DPP10: variants seen among roughly 807,000 people sequenced by gnomAD.
The protein encoded by DPP10 is inactive dipeptidyl peptidase 10.
In DPP10, 33 loss-of-function variants were observed where a neutral mutation model predicts 120.9. The ratio of observed to expected loss-of-function variants is 0.27; its 90% CI spans 0.21 to 0.37. The LOEUF is 0.37. DPP10 is among the 10% of genes least tolerant of loss of function. DPP10 has a pLI of 1.00. For missense variants in DPP10, 816 were observed against 942.8 expected, an observed-to-expected ratio of 0.87 and a Z score of 1.76; for synonymous variants, 337 against 326.1, an observed-to-expected ratio of 1.03 and a Z score of -0.36.
In DPP10 at chr2:114,753,363, C is replaced by T. The variant is rs1679408466; in HGVS notation, c.60+310525C>T. Reference sequence around the variant, plus strand: ...AAATTGAGTTCAAATTCTATCCCAGCTTAGACTGGTTATTTAGCCCGTATG... The same window carrying T: ...AAATTGAGTTCAAATTCTATCCCAGTTTAGACTGGTTATTTAGCCCGTATG... On this transcript the variant is annotated intron_variant, in intron 1 of 25. Transcript: ENST00000410059. Among the ~76,000 whole-genome samples the T allele has an allele frequency of 2.6e-5, 4 of 152,312 alleles. No individual in the cohort carries two copies. In the South Asian group the frequency reaches 8.3e-4, roughly 32 times the overall value.
At chr2:114,716,675 T>A (rs1193943027) in intron 1 of DPP10, among the ~76,000 whole-genome samples, 1 of 152,208 alleles carries the variant, frequency 6.6e-6, no homozygotes, top group Non-Finnish European at 1.5e-5. Context: ...TGATCTTCCT[T>A]GTTCAAAAGA....
intron 1 of DPP10, among the ~76,000 whole-genome samples, chr2:114,948,707 T>C (rs1697551759): frequency 6.6e-6 from 1 of 152,194 alleles, no homozygotes; most frequent in African/African-American, 2.4e-5. Context: ...CCATTCTTTC[T>C]GAGGAAGGAG....
intron 5 of DPP10, among the ~76,000 whole-genome samples, chr2:115,630,251 A>AT (rs1370230158): frequency 6.6e-6 from 1 of 151,952 alleles, no homozygotes; most frequent in Non-Finnish European, 1.5e-5. Flanking sequence ...TTGCTCATTG[A>AT]TTTTGTATCC....
chr2:115,194,163 A>G (rs1054148621), intron 1 of DPP10, among the ~76,000 whole-genome samples: 2 of 152,110 alleles, frequency 1.3e-5, no homozygotes, highest in African/African-American at 4.8e-5. Flanking sequence ...TCTGTTAGCA[A>G]AGCCGTTGCT....
At chr2:115,217,607 G>A (rs547195404) in intron 1 of DPP10, among the ~76,000 whole-genome samples, 1 of 152,072 alleles carries the variant, frequency 6.6e-6, no homozygotes, top group African/African-American at 2.4e-5. Context: ...CCACCAGTGG[G>A]ACTTGCCAGA....
At chr2:115,425,677 T>G (rs1278196290) in intron 3 of DPP10, among the ~76,000 whole-genome samples, 1 of 152,130 alleles carries the variant, frequency 6.6e-6, no homozygotes, top group African/African-American at 2.4e-5. Flanking sequence ...GATAGATAAG[T>G]GGTTGATTCA....
chr2:114,900,944 G>T (rs1320785019), intron 1 of DPP10, among the ~76,000 whole-genome samples: 1 of 152,138 alleles, frequency 6.6e-6, no homozygotes, highest in Non-Finnish European at 1.5e-5. Flanking sequence ...AATAAACTCA[G>T]ACTAACTTAT....
intron 5 of DPP10, among the ~76,000 whole-genome samples, chr2:115,558,632 A>G (rs974041585): frequency 1.3e-5 from 2 of 152,202 alleles, no homozygotes; most frequent in Admixed American, 1.3e-4. Context: ...AACTGTACTC[A>G]TTATAGTATA....
At chr2:114,706,575 A>G (rs1374403560) in intron 1 of DPP10, among the ~76,000 whole-genome samples, 1 of 152,120 alleles carries the variant, frequency 6.6e-6, no homozygotes, top group African/African-American at 2.4e-5. Flanking sequence ...GTCTTCTTTT[A>G]TATCTCTTAT....
At position 114,924,981 on chromosome 2, in the gene DPP10, G is replaced by GCCC. The variant is rs1158567593; in HGVS notation, c.61-384258_61-384257insCCC. 3.0e-4 allele frequency among the ~76,000 whole-genome samples: 45 copies of GCCC among 152,024 alleles called. No individual in the cohort carries two copies. In the East Asian group the frequency reaches 8.5e-3, roughly 29 times the overall value. The stretch of plus-strand genomic sequence containing the variant: ...AATCCCAGCACTTTGGGAGGCCGAG[G>GCCC]GGGGCTAATCACGAGGTCAGGAGTT... On this transcript the variant is annotated intron_variant, in intron 1 of 25. Transcript: ENST00000410059.
intron 1 of DPP10, among the ~76,000 whole-genome samples, chr2:114,603,118 C>T (rs918610883): frequency 1.3e-5 from 2 of 151,940 alleles, no homozygotes; most frequent in Admixed American, 1.3e-4. Flanking sequence ...CAGAAAAGTC[C>T]CCATTGTAAG....
intron 1 of DPP10, among the ~76,000 whole-genome samples, chr2:115,168,144 T>A (rs1457519868): frequency 6.6e-6 from 1 of 152,086 alleles, no homozygotes; most frequent in Non-Finnish European, 1.5e-5. Context: ...GGATTAAACA[T>A]AAGTCAAAAG....
Position 114,646,745 on chromosome 2 carries a change from C to T in DPP10, c.60+203907C>T, listed in dbSNP as rs529971111. Among the ~76,000 whole-genome samples the T allele has an allele frequency of 4.6e-5, 7 of 152,240 alleles. No individual in the cohort carries two copies. The South Asian group carries it at 1.5e-3, about 32-fold the overall frequency. On this transcript the variant is annotated intron_variant, in intron 1 of 25. Transcript: ENST00000410059. ...TTTATGTCTGCATCTTTGAATGAGTCTGGTTGTTCTCTCAAGGGAGTTTTA... is the reference window on the plus strand; with the variant it reads ...TTTATGTCTGCATCTTTGAATGAGTTTGGTTGTTCTCTCAAGGGAGTTTTA...
chr2:114,830,943 C>G (rs12615913), intron 1 of DPP10, among the ~76,000 whole-genome samples: 1 of 142,844 alleles, frequency 7.0e-6, no homozygotes, highest in Non-Finnish European at 1.5e-5. Flanking sequence ...CCCCTTGTTT[C>G]GTGTTTGGCA....
At chr2:114,682,758 ATCTATCTGTCTG>A (rs1435423629) in intron 1 of DPP10, among the ~76,000 whole-genome samples, 6 of 144,104 alleles carry the variant, frequency 4.2e-5, no homozygotes, top group Middle Eastern at 3.5e-3. Context: ...CTATCTATCT[ATCTATCTGTCTG>A]TCTATCTATC....
intron 11 of DPP10, among the ~76,000 whole-genome samples, chr2:115,755,479 T>C (rs1256058260): frequency 2.0e-5 from 3 of 152,020 alleles, no homozygotes; most frequent in Non-Finnish European, 4.4e-5. Context: ...AAAATGAAAC[T>C]AGATGTGTAT....
chr2:114,687,637 AC>A (rs1340542039), intron 1 of DPP10, among the ~76,000 whole-genome samples: 4 of 152,000 alleles, frequency 2.6e-5, no homozygotes, highest in African/African-American at 9.7e-5. Context: ...GAAAGGATGA[AC>A]AGCTGTTCTG....
chr2:115,706,911 C>T (rs1294753881), intron 7 of DPP10, among the ~76,000 whole-genome samples: 1 of 151,954 alleles, frequency 6.6e-6, no homozygotes, highest in Admixed American at 6.6e-5. Context: ...TAACTTCAGA[C>T]ATCTTTCAAG....
intron 5 of DPP10, among the ~76,000 whole-genome samples, chr2:115,617,361 A>G (rs2084599977): frequency 6.7e-6 from 1 of 149,132 alleles, no homozygotes; most frequent in Non-Finnish European, 1.5e-5. Flanking sequence ...GTATACATAT[A>G]TATTTATGCA....
Sources: allele counts gnomAD v4.1 joint callset (sites outside exome capture counted in the v4.1 genomes callset), GRCh38; gene constraint gnomAD v4.1.1; transcripts MANE v1.5; gene names NCBI Gene and HGNC (gene_info 2026-07-23, HGNC 2026-07-21).